Variants in SETBP1 observed in about 807,000 individuals in gnomAD.
SETBP1 encodes SET binding protein 1.
Under a neutral mutation model 101.0 loss-of-function variants are expected in SETBP1, and 9 were observed. That is an observed-to-expected ratio of 0.09 (90% confidence interval 0.05 to 0.16). The LOEUF is 0.16. Among genes scored for constraint, SETBP1 ranks in the 10% least tolerant of loss-of-function variants. SETBP1 has a pLI of 1.00. For synonymous variants in SETBP1, 818 were observed against 788.5 expected (o/e 1.04, Z -0.63); for missense variants, 1,858 against 2,033.8 (o/e 0.91, Z 1.66).
intron 4 of SETBP1, among the ~76,000 whole-genome samples, chr18:45,013,575 G>A (rs956508258): frequency 1.8e-4 from 27 of 152,228 alleles, no homozygotes; most frequent in Admixed American, 1.6e-3. Context: ...AAGTAGCTGG[G>A]ACTACAGGTG....
rs1469680687 is a variant in SETBP1 at position 45,063,475 on chromosome 18, C to T, written c.4568C>T (p.Pro1523Leu). 2 of 1,449,796 alleles carry T rather than the reference C, an allele frequency of 1.4e-6. No homozygotes were observed. The highest frequency in any genetic ancestry group is 2.9e-5 in the African/African-American group (2 of 68,588). 89.8% of individuals were successfully genotyped at this position (1,449,796 alleles called of 1,614,324 possible). A position where few individuals can be genotyped will look rare whatever the true frequency, so the allele number is the denominator to read the frequency against. ...IHMAREAPPL[P>L]PPPPPPLPPP... ...ATGGCCCGGGAGGCGCCGCCCCTGC[C>T]CCCGCCACCGCCGCCGCCCCTGCCG... is the stretch of plus-strand genomic sequence containing the variant. The change falls in exon 6 of 6, where the codon CCC becomes CTC. Residue 1523 changes from proline (P) to leucine (L), a missense_variant. Around this residue, in one of 12 missense-constraint regions of SETBP1, gnomAD observed 178 missense variants for 189.1 expected, o/e 0.94. Coordinates refer to ENST00000649279, the MANE Select transcript of SETBP1 (RefSeq NM_015559.3).
intron 4 of SETBP1, among the ~76,000 whole-genome samples, chr18:44,977,878 T>C (rs1466916512): frequency 6.6e-6 from 1 of 152,140 alleles, no homozygotes; most frequent in Admixed American, 6.5e-5. Context: ...TTGCTACTGA[T>C]ATAAGGAGAG....
intron 4 of SETBP1, among the ~76,000 whole-genome samples, chr18:44,965,284 A>AACACAC (rs60728043): frequency 0.079 from 11,555 of 147,008 alleles, 1,074 homozygotes; most frequent in African/African-American, 0.23. Context: ...CATGCACACA[A>AACACAC]ACACACACAC....
chr18:44,749,951 G>A (rs1054650115), intron 2 of SETBP1, among the ~76,000 whole-genome samples: 30 of 152,158 alleles, frequency 2.0e-4, no homozygotes, highest in Admixed American at 1.4e-3. Context: ...AGGATGGCTG[G>A]GTGGGAGCAG....
intron 4 of SETBP1, among the ~76,000 whole-genome samples, chr18:45,017,528 G>A (rs1013903834): frequency 1.3e-5 from 2 of 152,230 alleles, no homozygotes; most frequent in African/African-American, 4.8e-5. Flanking sequence ...ACCTTTGCAG[G>A]GAAGGGCAAT....
chr18:44,843,739 G>A (rs1023727368), intron 2 of SETBP1, among the ~76,000 whole-genome samples: 4 of 152,170 alleles, frequency 2.6e-5, no homozygotes, highest in East Asian at 1.9e-4. Flanking sequence ...TCCTGGGAGC[G>A]GGAAAGGTGA....
At chr18:44,928,014 T>A (rs928137179) in intron 3 of SETBP1, among the ~76,000 whole-genome samples, 11 of 152,184 alleles carry the variant, frequency 7.2e-5, no homozygotes, top group Non-Finnish European at 1.3e-4. Context: ...ATGTGCCATG[T>A]TGGTGTGCTG....
At chr18:44,831,295 T>A (rs1460744797) in intron 2 of SETBP1, among the ~76,000 whole-genome samples, 2 of 152,202 alleles carry the variant, frequency 1.3e-5, no homozygotes, top group Admixed American at 6.5e-5. Context: ...TTTCTACCAC[T>A]ATCCTGTATA....
intron 1 of SETBP1, among the ~76,000 whole-genome samples, chr18:44,685,763 A>G (rs892475725): frequency 6.6e-6 from 1 of 152,208 alleles, no homozygotes; most frequent in Non-Finnish European, 1.5e-5. Flanking sequence ...ATAGCCCAGC[A>G]ATTAATAACC....
intron 2 of SETBP1, among the ~76,000 whole-genome samples, chr18:44,711,991 G>A (rs1192224409): frequency 6.6e-6 from 1 of 152,112 alleles, no homozygotes; most frequent in South Asian, 2.1e-4. Context: ...TCTTCCCTGG[G>A]CCAACTTCCC....
At chr18:44,886,802 G>A (rs2069660281) in intron 3 of SETBP1, among the ~76,000 whole-genome samples, 1 of 141,978 alleles carries the variant, frequency 7.0e-6, no homozygotes, top group African/African-American at 2.6e-5. Context: ...TAGTTAAAAG[G>A]AAGCCAACTG....
At chr18:44,914,967 G>C (rs183088630) in intron 3 of SETBP1, among the ~76,000 whole-genome samples, 5 of 152,132 alleles carry the variant, frequency 3.3e-5, no homozygotes, top group African/African-American at 1.2e-4. Flanking sequence ...TCATAGACAA[G>C]CAGAAGAGTC....
intron 3 of SETBP1, among the ~76,000 whole-genome samples, chr18:44,912,998 C>T (rs997711529): frequency 3.3e-5 from 5 of 152,170 alleles, no homozygotes; most frequent in African/African-American, 9.7e-5. Context: ...CCAGCTTTGG[C>T]TTTTATCCCC....
rs971847805 is a variant in SETBP1, at chr18:44,950,966, G to A, written c.1626G>A (p.Met542Ile). The A allele has an allele frequency of 6.2e-7, 1 of 1,614,094 alleles. No homozygotes were observed. The highest frequency in any genetic ancestry group is 1.1e-5 in the South Asian group (1 of 91,072). ...WTCSKPKPST[M>I]LREAVMATSD... ...GCAGCAAACCAAAACCTAGCACCAT[G>A]CTTCGAGAGGCAGTTATGGCCACCT... is the stretch of plus-strand genomic sequence containing the variant. Residue 542 changes from methionine (M) to isoleucine (I), a missense_variant, in exon 4 of 6, where the codon ATG becomes ATA. By Grantham distance (10) the Met-to-Ile change is conservative. Around this residue, in one of 12 missense-constraint regions of SETBP1, gnomAD observed 581 missense variants for 535.1 expected, o/e 1.09. Coordinates refer to ENST00000649279, the MANE Select transcript of SETBP1 (RefSeq NM_015559.3).
At chr18:44,958,203 T>A (rs1473424960) in intron 4 of SETBP1, among the ~76,000 whole-genome samples, 1 of 152,240 alleles carries the variant, frequency 6.6e-6, no homozygotes, top group Non-Finnish European at 1.5e-5. Context: ...CAGGCAGTAG[T>A]TACAAAGTAA....
At chr18:45,026,456 A>G (rs906766112) in intron 4 of SETBP1, among the ~76,000 whole-genome samples, 2 of 152,202 alleles carry the variant, frequency 1.3e-5, no homozygotes, top group Non-Finnish European at 2.9e-5. Context: ...GGACTGGACT[A>G]GCTTTCTTCC....
At chr18:44,696,486 A>C (rs1840278829) in intron 1 of SETBP1, among the ~76,000 whole-genome samples, 1 of 152,208 alleles carries the variant, frequency 6.6e-6, no homozygotes, top group Non-Finnish European at 1.5e-5. Context: ...AAGAATTCCC[A>C]GTTGGAGAAT....
In SETBP1 at chr18:44,953,515, G is replaced by C. The variant is rs550303189; in HGVS notation, c.4000+175G>C. Among the ~76,000 whole-genome samples, 2 of 152,272 alleles carry C rather than the reference G, an allele frequency of 1.3e-5. 1 individual carries two copies. Among genetic ancestry groups the C allele is most frequent in the South Asian group, 4.2e-4 (2 of 4,816 alleles). On this transcript the variant is annotated intron_variant, in intron 4 of 5. Coordinates refer to ENST00000649279, the MANE Select transcript of SETBP1 (RefSeq NM_015559.3). The stretch of plus-strand genomic sequence containing the variant: ...TGCACATTTTGTACATTGTTTACTT[G>C]GTATTTACTATCTTCCTTCTCTCCT...
chr18:44,719,048 A>G (rs1233612746), intron 2 of SETBP1, among the ~76,000 whole-genome samples: 2 of 152,164 alleles, frequency 1.3e-5, no homozygotes, highest in Admixed American at 6.5e-5. Context: ...ATGGGGTTTT[A>G]TGGTACTGAT....
Sources: allele counts gnomAD v4.1 joint callset (sites outside exome capture counted in the v4.1 genomes callset), GRCh38; gene constraint gnomAD v4.1.1; regional missense constraint gnomAD v4.1.1; transcripts MANE v1.5; gene names NCBI Gene and HGNC (gene_info 2026-07-23, HGNC 2026-07-21).